Variants in DUSP11 observed in about 807,000 individuals in gnomAD.
The protein encoded by DUSP11 is dual specificity phosphatase 11.
Under a neutral mutation model 41.4 loss-of-function variants are expected in DUSP11, and 27 were observed. The observed-to-expected ratio is 0.65, with a 90% CI of 0.48 to 0.90. The LOEUF (loss-of-function observed/expected upper bound fraction) is 0.90. DUSP11 is among the 40% of genes least tolerant of loss of function. The pLI is 0.00. For missense variants in DUSP11, 465 were observed against 461.1 expected, an observed-to-expected ratio of 1.01 and a Z score of -0.08; for synonymous variants, 188 against 159.3, an observed-to-expected ratio of 1.18 and a Z score of -1.35.
chr2:73,778,631 G>A (rs1465948992), intron 1 of DUSP11, among the ~76,000 whole-genome samples: 1 of 152,122 alleles, frequency 6.6e-6, no homozygotes, highest in African/African-American at 2.4e-5. Flanking sequence ...TAAAACCGGA[G>A]ATACCCAGAA....
chr2:73,777,911 A>C (rs1672714519), intron 2 of DUSP11, among the ~76,000 whole-genome samples: 1 of 152,196 alleles, frequency 6.6e-6, no homozygotes, highest in Admixed American at 6.5e-5. Context: ...TTATATTTGG[A>C]AATCTATTAC....
intron 1 of DUSP11, 32 bp from the exon 2 acceptor site, chr2:73,778,408 T>A: frequency 7.3e-7 from 1 of 1,372,654 alleles, no homozygotes; most frequent in South Asian, 1.5e-5. Context: ...AGCCAAATTG[T>A]ATGTTAGCCT....
intron 2 of DUSP11, among the ~76,000 whole-genome samples, chr2:73,775,767 T>C (rs1170344196): frequency 7.0e-6 from 1 of 143,650 alleles, no homozygotes; most frequent in Non-Finnish European, 1.5e-5. Flanking sequence ...GGCAGGAGAA[T>C]GGCGTGAACC....
At position 73,779,574 on chromosome 2, in the gene DUSP11, T is replaced by G. The variant is rs1046178728; in HGVS notation, c.242+300A>C. On this transcript the variant is annotated intron_variant, in intron 1 of 8. Coordinates refer to ENST00000272444, the Ensembl canonical transcript of DUSP11. ...AACAAGGAATTGAGGAGGTTCCATT[T>G]TGGGAATTAAGGAGTGTCCCCAACA... The G allele has an allele frequency of 9.7e-6, 4 of 410,326 alleles. No individual in the cohort carries two copies. The Admixed American group carries it at 1.2e-4, about 12-fold the overall frequency. 25.4% of individuals were successfully genotyped at this position (410,326 alleles called of 1,614,324 possible). A position where few individuals can be genotyped will look rare whatever the true frequency, so the allele number is the denominator to read the frequency against.
chr2:73,774,063 A>G (rs1672634750), intron 3 of DUSP11, 140 bp from the exon 4 acceptor site: 2 of 625,204 alleles, frequency 3.2e-6, no homozygotes, highest in South Asian at 1.0e-4. Flanking sequence ...ATTCTGATAA[A>G]AGAGCCATTT....
intron 8 of DUSP11, among the ~76,000 whole-genome samples, chr2:73,763,450 G>A (rs558823087): frequency 1.0e-3 from 159 of 152,348 alleles, no homozygotes; most frequent in African/African-American, 3.6e-3. Context: ...GGGGCTGGGC[G>A]TGGTGGCTCG....
rs373043199 is a variant in DUSP11 at position 73,779,632 on chromosome 2, A to G, written c.242+242T>C. 1.9e-4 allele frequency: 115 copies of G among 616,460 alleles called. 2 individuals carry two copies. The highest frequency in any genetic ancestry group is 1.9e-3 in the East Asian group (63 of 34,032). 38.2% of individuals were successfully genotyped at this position (616,460 alleles called of 1,614,324 possible). A position where few individuals can be genotyped will look rare whatever the true frequency, so the allele number is the denominator to read the frequency against. On this transcript the variant is annotated intron_variant, in intron 1 of 8. Coordinates refer to ENST00000272444, the Ensembl canonical transcript of DUSP11. Reference sequence around the variant, plus strand: ...TCCCACCTTAAAGCAATCCTTCCGTATTTTACCTAAGAGCAATGGCCAGAA... The same window carrying G: ...TCCCACCTTAAAGCAATCCTTCCGTGTTTTACCTAAGAGCAATGGCCAGAA...
chr2:73,773,786 G>A lies in DUSP11; in HGVS notation c.574+14C>T. The A allele has an allele frequency of 6.2e-7, 1 of 1,600,960 alleles. No homozygotes were observed. The highest frequency in any genetic ancestry group is 8.5e-7 in the Non-Finnish European group (1 of 1,173,110). On this transcript the variant is annotated intron_variant, in intron 4 of 8. Coordinates refer to ENST00000272444, the Ensembl canonical transcript of DUSP11. Reference sequence around the variant, plus strand: ...ATAATGCACACCACAGTTCAGGTAAGAACAAAAACTCACCATTATCTTTAT... The same window carrying A: ...ATAATGCACACCACAGTTCAGGTAAAAACAAAAACTCACCATTATCTTTAT...
At chr2:73,765,167 A>G (rs774860815) in intron 8 of DUSP11, among the ~76,000 whole-genome samples, 20 of 152,078 alleles carry the variant, frequency 1.3e-4, no homozygotes, top group Non-Finnish European at 2.9e-4. Context: ...GGGAGGATCC[A>G]CCCTCAGTTT....
chr2:73,773,079 T>C (rs1672617099), intron 4 of DUSP11, among the ~76,000 whole-genome samples: 3 of 152,176 alleles, frequency 2.0e-5, no homozygotes, highest in African/African-American at 4.8e-5. Flanking sequence ...GGCAGAGAGA[T>C]GCCAGAAAAA....
chr2:73,766,838 G>T (rs1265803177), exon 7 of DUSP11: 2 of 1,611,612 alleles, frequency 1.2e-6, no homozygotes, highest in Admixed American at 3.3e-5. Context: ...TTTCTGATAG[G>T]ACCATTCTGA....
intron 4 of DUSP11, chr2:73,773,246 G>A (rs1558534413): frequency 6.5e-6 from 1 of 154,840 alleles, no homozygotes; most frequent in Non-Finnish European, 1.4e-5. Flanking sequence ...TGTACTCAAA[G>A]CGGAAAAACA....
At chr2:73,764,880 T>C (rs1468106866) in intron 8 of DUSP11, among the ~76,000 whole-genome samples, 1 of 152,020 alleles carries the variant, frequency 6.6e-6, no homozygotes, top group Non-Finnish European at 1.5e-5. Context: ...GCAGGAGAAC[T>C]GCTTGAACCT....
exon 3 of DUSP11, chr2:73,775,044 T>C: frequency 1.9e-6 from 3 of 1,608,918 alleles, no homozygotes; most frequent in South Asian, 1.1e-5. Flanking sequence ...TTTTCAAAAC[T>C]CTGTCACAGA....
At position 73,770,122 on chromosome 2, in the gene DUSP11, C is replaced by T. The variant is rs140765441; in HGVS notation, c.575-797G>A. Among the ~76,000 whole-genome samples, 4 of 148,856 alleles carry T rather than the reference C, an allele frequency of 2.7e-5. No individual in the cohort carries two copies. The East Asian group carries it at 8.0e-4, about 30-fold the overall frequency. On this transcript the variant is annotated intron_variant, in intron 4 of 8. Transcript: ENST00000272444. Reference sequence around the variant, plus strand: ...CAACCTGGCCAACATGGCGAAACCACGTCTCTACTAAAAGTACAAAAAATT... The same window carrying T: ...CAACCTGGCCAACATGGCGAAACCATGTCTCTACTAAAAGTACAAAAAATT...
intron 4 of DUSP11, among the ~76,000 whole-genome samples, chr2:73,770,197 A>G (rs1164094312): frequency 6.6e-6 from 1 of 151,642 alleles, no homozygotes; most frequent in Non-Finnish European, 1.5e-5. Context: ...CAAAAAAAAA[A>G]AAAAGAAAGA....
At chr2:73,771,290 C>G (rs1289745657) in intron 4 of DUSP11, among the ~76,000 whole-genome samples, 1 of 152,164 alleles carries the variant, frequency 6.6e-6, no homozygotes, top group African/African-American at 2.4e-5. Flanking sequence ...ACATTATCTT[C>G]TAGTCACACA....
chr2:73,780,103 C>G, exon 1 of DUSP11: 1 of 1,560,834 alleles, frequency 6.4e-7, no homozygotes, highest in Non-Finnish European at 8.7e-7. Context: ...TCCAGCGTCT[C>G]GCTATTGCGC....
At chr2:73,769,642 C>T (rs1672534781) in intron 4 of DUSP11, among the ~76,000 whole-genome samples, 1 of 152,200 alleles carries the variant, frequency 6.6e-6, no homozygotes, top group Non-Finnish European at 1.5e-5. Context: ...AAAGCAACAA[C>T]AGGCTAAGAG....
Sources: gnomAD v4.1 joint callset for allele counts (sites outside exome capture counted in the v4.1 genomes callset) on GRCh38, gnomAD v4.1.1 for gene constraint, MANE v1.5 for transcripts, NCBI Gene and HGNC (gene_info 2026-07-23, HGNC 2026-07-21) for gene names.